The following MYH10 variants were observed in gnomAD, a reference collection of about 807,000 sequenced individuals.
MYH10 encodes the protein myosin-10.
In MYH10, 55 loss-of-function variants were observed where a neutral mutation model predicts 257.8. The observed-to-expected ratio is 0.21, with a 90% CI of 0.17 to 0.27. MYH10 has a LOEUF of 0.27. Ranked by LOEUF, MYH10 falls within the 10% of genes least tolerant of loss-of-function variation. The pLI is 1.00. For missense variants in MYH10, 1,631 were observed against 2,500.6 expected (o/e 0.65, Z 7.42); for synonymous variants, 854 against 921.7 (o/e 0.93, Z 1.33).
chr17:8,523,269 C>T (rs1182200345), intron 17 of MYH10, among the ~76,000 whole-genome samples: 11 of 152,336 alleles, frequency 7.2e-5, no homozygotes, highest in Non-Finnish European at 2.9e-5. Flanking sequence ...AGCATGTCTG[C>T]TTTGACTCAG....
intron 1 of MYH10, among the ~76,000 whole-genome samples, chr17:8,626,582 A>AATAATG (rs1351896804): frequency 5.4e-5 from 4 of 74,356 alleles, no homozygotes; most frequent in African/African-American, 1.3e-4. Context: ...AATAATAAAT[A>AATAATG]ATAATAATAA....
intron 7 of MYH10, among the ~76,000 whole-genome samples, chr17:8,564,208 T>C (rs1238024650): frequency 6.6e-6 from 1 of 152,206 alleles, no homozygotes; most frequent in Non-Finnish European, 1.5e-5. Context: ...TGCTAGTATC[T>C]TTGAAAGAAA....
At chr17:8,536,009 A>G (rs1255092526) in intron 14 of MYH10, 78 bp from the exon 15 acceptor site, 8 of 1,339,040 alleles carry the variant, frequency 6.0e-6, no homozygotes, top group Non-Finnish European at 8.3e-6. Flanking sequence ...TTAAACTTCT[A>G]AAACAATTAG....
intron 7 of MYH10, among the ~76,000 whole-genome samples, chr17:8,560,069 T>TA (rs904901804): frequency 3.3e-5 from 5 of 151,704 alleles, no homozygotes; most frequent in Non-Finnish European, 5.9e-5. Flanking sequence ...AACATTTCAC[T>TA]AAAAAAAAAT....
intron 7 of MYH10, among the ~76,000 whole-genome samples, chr17:8,567,924 T>C (rs1376534444): frequency 6.6e-6 from 1 of 152,204 alleles, no homozygotes; most frequent in African/African-American, 2.4e-5. Context: ...GAGAGCACTG[T>C]GACTTGACTA....
rs758522214 is a variant in MYH10 at position 8,542,145 on chromosome 17, G to T, written c.1567C>A (p.Leu523Met). ...GIEWNFIDFG[L>M]DLQPCIDLIE... is the part of the protein sequence containing the mutation. Reference sequence around the variant, plus strand: ...AGGTCGATGCATGGCTGCAGATCCAGCCCGAAATCGATGAAGTTCCACTCG... The same window carrying T: ...AGGTCGATGCATGGCTGCAGATCCATCCCGAAATCGATGAAGTTCCACTCG... Residue 523 changes from leucine to methionine, a missense_variant, in exon 14 of 43, where the codon CTG becomes ATG. Leu to Met is a conservative substitution (Grantham distance 15, BLOSUM62 2). Coordinates refer to ENST00000360416, the MANE Select transcript of MYH10 (RefSeq NM_001256012.3). 6.2e-7 allele frequency: 1 copy of T among 1,614,052 alleles called. No individual in the cohort carries two copies. The highest frequency in any genetic ancestry group is 8.5e-7 in the Non-Finnish European group (1 of 1,180,032).
chr17:8,490,135 G>A lies in MYH10; in HGVS notation c.4884+205C>T. 1 of 517,802 alleles carries A rather than the reference G, an allele frequency of 1.9e-6. No homozygotes were observed. The highest frequency in any genetic ancestry group is 3.5e-5 in the East Asian group (1 of 28,554). The allele number at this position is 517,802 out of a possible 1,614,324, so 32.1% of individuals were successfully genotyped here. On this transcript the variant is annotated intron_variant, in intron 35 of 42. Transcript: ENST00000360416. This position sits in a 1 kb window ranked among gnomAD's most constrained non-coding sequence, Gnocchi z 4.1. Reference sequence around the variant, plus strand: ...AAGTGTCTGGCTTGTAGGCAGGAATGATACTGAGAAATAGTAAGACCTAAA... The same window carrying A: ...AAGTGTCTGGCTTGTAGGCAGGAATAATACTGAGAAATAGTAAGACCTAAA...
intron 17 of MYH10, among the ~76,000 whole-genome samples, chr17:8,528,754 C>A (rs952353807): frequency 7.9e-5 from 12 of 152,062 alleles, no homozygotes; most frequent in African/African-American, 2.4e-4. Context: ...TAAAGTCCTA[C>A]ATTTTCGTTT....
intron 17 of MYH10, among the ~76,000 whole-genome samples, chr17:8,523,526 C>T (rs1356073525): frequency 6.6e-6 from 1 of 152,094 alleles, no homozygotes. Context: ...GTGCAATCAG[C>T]ATATGTGAAA....
At chr17:8,582,377 C>T (rs1268228482) in intron 4 of MYH10, among the ~76,000 whole-genome samples, 1 of 151,932 alleles carries the variant, frequency 6.6e-6, no homozygotes, top group African/African-American at 2.4e-5. Context: ...ACCTCATTTC[C>T]ATCAACAAAA....
At chr17:8,478,509 T>C (rs1567762623) in intron 40 of MYH10, 63 bp from the exon 41 acceptor site, 1 of 1,486,416 alleles carries the variant, frequency 6.7e-7, no homozygotes, top group Non-Finnish European at 9.4e-7. Flanking sequence ...GGAAAAAATA[T>C]TTTTTAAAGC....
chr17:8,494,543 ATTT>A (rs529605907), intron 31 of MYH10, among the ~76,000 whole-genome samples: 1 of 148,068 alleles, frequency 6.8e-6, no homozygotes, highest in African/African-American at 2.5e-5. Context: ...CCTGTCTGAG[ATTT>A]TTTTTTTTAA....
At chr17:8,529,092 G>C (rs918991104) in intron 17 of MYH10, among the ~76,000 whole-genome samples, 1 of 152,216 alleles carries the variant, frequency 6.6e-6, no homozygotes, top group African/African-American at 2.4e-5. Flanking sequence ...GATGCTGCTG[G>C]TACAGCAAAA....
intron 38 of MYH10, 129 bp from the exon 39 acceptor site, chr17:8,480,654 G>T: frequency 8.0e-7 from 1 of 1,245,638 alleles, no homozygotes; most frequent in Non-Finnish European, 1.1e-6. Flanking sequence ...TCTTTCCCCT[G>T]CACTCATCCC....
chr17:8,548,204 G>T (rs1312316491), intron 11 of MYH10, 109 bp downstream of exon 11: 4 of 715,372 alleles, frequency 5.6e-6, no homozygotes, highest in African/African-American at 5.4e-5. Context: ...CTACTCAAGG[G>T]TCCCTTCAGA....
chr17:8,484,315 G>GT (rs1487464341), intron 36 of MYH10, 49 bp from the exon 37 acceptor site: 1 of 1,562,360 alleles, frequency 6.4e-7, no homozygotes, highest in African/African-American at 1.4e-5. Context: ...CTTAGTTTTA[G>GT]TTAAAATAAA....
At chr17:8,604,795 G>T in intron 3 of MYH10, 31 bp downstream of exon 3, 1 of 1,373,436 alleles carries the variant, frequency 7.3e-7, no homozygotes, top group African/African-American at 1.5e-5. Context: ...AAGAAATTCT[G>T]AGCATTTAGT....
intron 9 of MYH10, among the ~76,000 whole-genome samples, chr17:8,549,904 G>A (rs1042922365): frequency 4.0e-5 from 6 of 151,302 alleles, no homozygotes; most frequent in South Asian, 2.1e-4. Context: ...TGGCCAGGCC[G>A]GTCTCCAGCC....
At chr17:8,498,374 T>G (rs1326497226) in intron 30 of MYH10, among the ~76,000 whole-genome samples, 1 of 152,180 alleles carries the variant, frequency 6.6e-6, no homozygotes, top group Non-Finnish European at 1.5e-5. Context: ...CAGTGGATAC[T>G]GAGGGCTGAC....
Sources: allele counts gnomAD v4.1 joint callset (sites outside exome capture counted in the v4.1 genomes callset), GRCh38; gene constraint gnomAD v4.1.1; non-coding constraint Gnocchi (gnomAD v3.1); transcripts MANE v1.5; gene names NCBI Gene and HGNC (gene_info 2026-07-23, HGNC 2026-07-21).